Variants in TSHZ2 observed in about 807,000 individuals in gnomAD.
The protein encoded by TSHZ2 is teashirt zinc finger homeobox 2.
Under a neutral mutation model 74.4 loss-of-function variants are expected in TSHZ2, and 21 were observed. That is an observed-to-expected ratio of 0.28 (90% CI 0.20 to 0.41). The LOEUF is 0.41. TSHZ2 is among the 10% of genes least tolerant of loss of function. The pLI is 1.00. For synonymous variants in TSHZ2, 540 were observed against 515.3 expected (o/e 1.05, Z -0.65); for missense variants, 1,244 against 1,293.5 (o/e 0.96, Z 0.59).
chr20:53,284,289 G>T (rs576809235), intron 2 of TSHZ2, among the ~76,000 whole-genome samples: 1 of 152,274 alleles, frequency 6.6e-6, no homozygotes, highest in African/African-American at 2.4e-5. Context: ...CTTAAGTTCG[G>T]CTGTCTGTTC....
chr20:53,236,894 C>T (rs1438817417), intron 1 of TSHZ2, among the ~76,000 whole-genome samples: 5 of 152,188 alleles, frequency 3.3e-5, no homozygotes, highest in Non-Finnish European at 5.9e-5. Context: ...ATAAGAACAG[C>T]ACAGGGGAAC....
chr20:53,276,005 A>G (rs1312742558), intron 2 of TSHZ2, among the ~76,000 whole-genome samples: 2 of 152,232 alleles, frequency 1.3e-5, no homozygotes, highest in East Asian at 1.9e-4. Context: ...TTTACAATTC[A>G]CTGCAAACCA....
At chr20:53,455,569 T>A (rs890296196) in intron 2 of TSHZ2, 1 of 152,104 alleles carries the variant, frequency 6.6e-6, no homozygotes, top group Non-Finnish European at 1.5e-5. Context: ...TTTCTTTTTT[T>A]ATTATTATTA....
rs574946379 is a variant in TSHZ2 at position 53,243,990 on chromosome 20, C to T, written c.41-9509C>T. Reference sequence around the variant, plus strand: ...TATCCATTATCTGCATGAAATATTTCAGAGAAAGAAGCAGCATTTGCCAAA... The same window carrying T: ...TATCCATTATCTGCATGAAATATTTTAGAGAAAGAAGCAGCATTTGCCAAA... On this transcript the variant is annotated intron_variant, in intron 1 of 2. Transcript: ENST00000371497. Among the ~76,000 whole-genome samples the T allele has an allele frequency of 3.9e-5, 6 of 152,116 alleles. No individual in the cohort carries two copies. The South Asian group carries it at 8.3e-4, about 21-fold the overall frequency.
intron 1 of TSHZ2, among the ~76,000 whole-genome samples, chr20:53,137,762 G>A (rs1987284010): frequency 6.6e-6 from 1 of 152,088 alleles, no homozygotes; most frequent in African/African-American, 2.4e-5. Flanking sequence ...TCTTTGTAAA[G>A]CACAGCTCTG....
intron 1 of TSHZ2, among the ~76,000 whole-genome samples, chr20:53,104,678 T>C (rs887278115): frequency 6.6e-6 from 1 of 152,170 alleles, no homozygotes. Context: ...AATAGCAAAC[T>C]GGTGTTCGTG....
intron 1 of TSHZ2, among the ~76,000 whole-genome samples, chr20:53,219,409 G>A (rs527277985): frequency 5.3e-5 from 8 of 152,276 alleles, no homozygotes; most frequent in Non-Finnish European, 1.2e-4. Flanking sequence ...ATTCATCCCT[G>A]TTTCTGCATC....
At chr20:53,154,187 G>A (rs1189407053) in intron 1 of TSHZ2, among the ~76,000 whole-genome samples, 1 of 152,112 alleles carries the variant, frequency 6.6e-6, no homozygotes, top group Non-Finnish European at 1.5e-5. Flanking sequence ...ACTAGAACAG[G>A]GGACTTGAAA....
chr20:53,284,018 T>G (rs1325276527), intron 2 of TSHZ2, among the ~76,000 whole-genome samples: 1 of 152,170 alleles, frequency 6.6e-6, no homozygotes, highest in Non-Finnish European at 1.5e-5. Context: ...AGAAGGAAAG[T>G]AAAAACGGGT....
chr20:53,362,406 A>G (rs966435321), intron 2 of TSHZ2, among the ~76,000 whole-genome samples: 9 of 146,486 alleles, frequency 6.1e-5, no homozygotes, highest in Non-Finnish European at 1.0e-4. Context: ...GGATGGTCTC[A>G]ATCTCCTGAC....
In TSHZ2 at chr20:53,254,736, G is replaced by A; in HGVS notation, c.1278G>A (p.Val426=). 6.2e-7 allele frequency: 1 copy of A among 1,613,654 alleles called. No individual in the cohort carries two copies. Among genetic ancestry groups the A allele is most frequent in the Non-Finnish European group, 8.5e-7 (1 of 1,179,676 alleles). Residue 426 remains valine, a synonymous_variant, in exon 2 of 3, where the codon GTG becomes GTA. Transcript: ENST00000371497. ...AGCTGGTATTAGACCCGTTAGCAGT[G>A]GAGAAAATGCAGTCGTTGTCTGAGG... ...GKQLVLDPLA[V]EKMQSLSEAP... is the part of the protein sequence containing the mutation.
At chr20:53,123,790 T>C (rs529837799) in intron 1 of TSHZ2, among the ~76,000 whole-genome samples, 8 of 152,156 alleles carry the variant, frequency 5.3e-5, no homozygotes, top group African/African-American at 1.9e-4. Context: ...ATGAAACAAT[T>C]TGTGTAGGGC....
intron 2 of TSHZ2, among the ~76,000 whole-genome samples, chr20:53,452,738 A>C (rs1006702713): frequency 1.3e-5 from 2 of 152,190 alleles, no homozygotes; most frequent in Non-Finnish European, 2.9e-5. Context: ...ATAAAACAAT[A>C]TTATGTGTGT....
chr20:53,148,006 G>A (rs551170897), intron 1 of TSHZ2, among the ~76,000 whole-genome samples: 5 of 152,298 alleles, frequency 3.3e-5, no homozygotes, highest in African/African-American at 1.2e-4. Context: ...GAGCCACCAT[G>A]CCCGGCCAGT....
intron 1 of TSHZ2, among the ~76,000 whole-genome samples, chr20:53,202,466 C>T (rs1989033178): frequency 1.3e-5 from 2 of 152,068 alleles, no homozygotes; most frequent in Non-Finnish European, 2.9e-5. Flanking sequence ...ATTTTATATG[C>T]CCCCTTAATC....
chr20:53,133,696 G>C (rs1341419117), intron 1 of TSHZ2, among the ~76,000 whole-genome samples: 1 of 152,064 alleles, frequency 6.6e-6, no homozygotes, highest in Non-Finnish European at 1.5e-5. Flanking sequence ...AGCCATTCCA[G>C]TGAATTCTAT....
chr20:53,165,791 A>C (rs886693912), intron 1 of TSHZ2, among the ~76,000 whole-genome samples: 4 of 152,128 alleles, frequency 2.6e-5, no homozygotes, highest in Non-Finnish European at 4.4e-5. Context: ...GTGAATTTGA[A>C]ACATAATTAG....
chr20:53,446,391 G>A (rs1410142522), intron 2 of TSHZ2, among the ~76,000 whole-genome samples: 11 of 130,586 alleles, frequency 8.4e-5, no homozygotes, highest in East Asian at 2.3e-4. Flanking sequence ...GTGAAACCCC[G>A]TCTCTACTAA....
intron 1 of TSHZ2, among the ~76,000 whole-genome samples, chr20:53,023,287 A>G (rs534313372): frequency 6.6e-6 from 1 of 152,316 alleles, no homozygotes; most frequent in South Asian, 2.1e-4. Flanking sequence ...TTCCTATCCC[A>G]TAGTCAGAGA....
Sources: allele counts gnomAD v4.1 joint callset (sites outside exome capture counted in the v4.1 genomes callset), GRCh38; gene constraint gnomAD v4.1.1; transcripts MANE v1.5; gene names NCBI Gene and HGNC (gene_info 2026-07-23, HGNC 2026-07-21).